Variants in ERBB4 observed in about 807,000 individuals in gnomAD.
ERBB4 encodes the protein receptor tyrosine-protein kinase erbB-4.
In ERBB4, 42 loss-of-function variants were observed where a neutral mutation model predicts 158.0. The observed-to-expected ratio is 0.27, with a 90% CI of 0.21 to 0.34. ERBB4 has a LOEUF of 0.34. ERBB4 is among the 10% of genes least tolerant of loss of function. The probability of loss-of-function intolerance (pLI) is 1.00; values close to 1 mark genes in which losing one functional copy is unlikely to be tolerated. For missense variants in ERBB4, 1,333 were observed against 1,624.1 expected, an observed-to-expected ratio of 0.82 and a Z score of 3.08; for synonymous variants, 583 against 558.7, an observed-to-expected ratio of 1.04 and a Z score of -0.61.
At chr2:212,329,129 T>C (rs1197541180) in intron 1 of ERBB4, among the ~76,000 whole-genome samples, 1 of 152,060 alleles carries the variant, frequency 6.6e-6, no homozygotes, top group African/African-American at 2.4e-5. Flanking sequence ...ATTTTTTCAC[T>C]TTAAAGGTAC....
At chr2:211,978,120 T>C (rs750536140) in intron 2 of ERBB4, among the ~76,000 whole-genome samples, 2 of 151,738 alleles carry the variant, frequency 1.3e-5, no homozygotes, top group African/African-American at 2.4e-5. Flanking sequence ...TTAGTCTTTA[T>C]GGTCCCTGGG....
chr2:212,029,958 C>A (rs1450849899), intron 2 of ERBB4, among the ~76,000 whole-genome samples: 1 of 152,090 alleles, frequency 6.6e-6, no homozygotes, highest in Non-Finnish European at 1.5e-5. Context: ...TAAGGTTTTG[C>A]AAGTTTTGCA....
chr2:212,038,080 T>C (rs2077055934), intron 2 of ERBB4, among the ~76,000 whole-genome samples: 1 of 152,162 alleles, frequency 6.6e-6, no homozygotes. Flanking sequence ...TATATTATTA[T>C]GGGATAAACT....
chr2:212,399,075 C>T (rs1253295230), intron 1 of ERBB4, among the ~76,000 whole-genome samples: 2 of 152,006 alleles, frequency 1.3e-5, no homozygotes, highest in African/African-American at 4.8e-5. Flanking sequence ...TCCCAATTAG[C>T]TGGACTAAAG....
At chr2:211,939,984 T>TATAG (rs530567931) in intron 3 of ERBB4, among the ~76,000 whole-genome samples, 4,681 of 141,532 alleles carry the variant, frequency 0.033, 161 homozygotes, top group African/African-American at 0.079. Flanking sequence ...TATATATGTA[T>TATAG]ATAGATAGAT....
rs1448947889 is a variant in ERBB4 at position 211,842,024 on chromosome 2, A to T, written c.422-53865T>A. 2.6e-5 allele frequency among the ~76,000 whole-genome samples: 4 copies of T among 152,068 alleles called. No homozygotes were observed. In the South Asian group the frequency reaches 6.2e-4, roughly 24 times the overall value. ...CCTCAAGGAAGCAAGTATTATTTAC[A>T]ATTCTGTCCCAAATTTCTAAACATA... is the stretch of plus-strand genomic sequence containing the variant. On this transcript the variant is annotated intron_variant, in intron 3 of 27. Coordinates refer to ENST00000342788, the MANE Select transcript of ERBB4 (RefSeq NM_005235.3).
At chr2:211,701,930 A>T in intron 12 of ERBB4, 37 bp downstream of exon 12, 2 of 1,490,524 alleles carry the variant, frequency 1.3e-6, no homozygotes, top group Non-Finnish European at 1.9e-6. Flanking sequence ...AAAAAATTTA[A>T]GTTTCTATGT....
chr2:211,760,214 G>A (rs2075375107), intron 4 of ERBB4, among the ~76,000 whole-genome samples: 1 of 152,162 alleles, frequency 6.6e-6, no homozygotes, highest in Non-Finnish European at 1.5e-5. Flanking sequence ...AAATAGATGA[G>A]GGGATTTGTA....
At chr2:211,395,330 A>T (rs1039711160) in intron 25 of ERBB4, among the ~76,000 whole-genome samples, 1 of 152,054 alleles carries the variant, frequency 6.6e-6, no homozygotes, top group Non-Finnish European at 1.5e-5. Context: ...AGACTCTGAC[A>T]CTCTGAGAGG....
At chr2:211,833,400 T>C (rs2077268208) in intron 3 of ERBB4, among the ~76,000 whole-genome samples, 1 of 152,056 alleles carries the variant, frequency 6.6e-6, no homozygotes, top group Non-Finnish European at 1.5e-5. Flanking sequence ...CTTCATCCAG[T>C]AGAGGAAACC....
At chr2:211,707,082 A>AAT (rs1248237500) in intron 9 of ERBB4, among the ~76,000 whole-genome samples, 4 of 152,186 alleles carry the variant, frequency 2.6e-5, no homozygotes, top group Non-Finnish European at 5.9e-5. Context: ...CGTATAATCA[A>AAT]ATATCTTGGC....
chr2:212,340,616 T>C (rs1011618172), intron 1 of ERBB4, among the ~76,000 whole-genome samples: 2 of 152,176 alleles, frequency 1.3e-5, no homozygotes, highest in African/African-American at 4.8e-5. Context: ...GAGAATCTAA[T>C]ACTACTGCTG....
intron 1 of ERBB4, among the ~76,000 whole-genome samples, chr2:212,345,871 G>A (rs1031966624): frequency 3.9e-5 from 6 of 152,128 alleles, no homozygotes; most frequent in African/African-American, 1.2e-4. Context: ...GTCCAGTTCT[G>A]AGACCAATAT....
At chr2:211,751,837 A>T (rs2075139697) in intron 4 of ERBB4, among the ~76,000 whole-genome samples, 1 of 152,204 alleles carries the variant, frequency 6.6e-6, no homozygotes, top group Non-Finnish European at 1.5e-5. Context: ...TTCAAAAGAC[A>T]CTTTCTCTGG....
At chr2:211,673,414 G>A (rs1376582395) in intron 13 of ERBB4, among the ~76,000 whole-genome samples, 157 bp from the exon 14 acceptor site, 1 of 151,116 alleles carries the variant, frequency 6.6e-6, no homozygotes, top group Non-Finnish European at 1.5e-5. Context: ...TCCATTAGGA[G>A]AAAAGATAAA....
intron 24 of ERBB4, among the ~76,000 whole-genome samples, chr2:211,421,121 ATG>A (rs1249929711): frequency 6.6e-6 from 1 of 152,016 alleles, no homozygotes; most frequent in African/African-American, 2.4e-5. Context: ...GTAAAGGAGT[ATG>A]AGAAAGACAC....
chr2:212,462,641 T>C (rs1158130933), intron 1 of ERBB4, among the ~76,000 whole-genome samples: 2 of 152,110 alleles, frequency 1.3e-5, no homozygotes, highest in African/African-American at 4.8e-5. Flanking sequence ...AGAATTCTTA[T>C]ACAGTGTGAG....
intron 1 of ERBB4, among the ~76,000 whole-genome samples, chr2:212,204,710 A>C (rs981706929): frequency 2.8e-5 from 2 of 70,898 alleles, no homozygotes; most frequent in African/African-American, 1.1e-4. Context: ...CAAAAAAAAC[A>C]AAAAAAAAAA....
rs1203552144 is a variant in ERBB4 at position 211,772,932 on chromosome 2, T to C, written c.556+15093A>G. Among the ~76,000 whole-genome samples the C allele has an allele frequency of 5.4e-4, 41 of 75,552 alleles. 3 individuals are homozygous for C. Among genetic ancestry groups the C allele is most frequent in the African/African-American group, 3.4e-3 (38 of 11,086 alleles). The allele number at this position is 75,552 out of a possible 152,430, so 49.6% of individuals were successfully genotyped here. On this transcript the variant is annotated intron_variant, in intron 4 of 27. Transcript: ENST00000342788. Reference sequence around the variant, plus strand: ...ATACACACACACACACACATATATATATATATATATATATATATATATATT... The same window carrying C: ...ATACACACACACACACACATATATACATATATATATATATATATATATATT...
Sources: gnomAD v4.1 joint callset for allele counts (sites outside exome capture counted in the v4.1 genomes callset) on GRCh38, gnomAD v4.1.1 for gene constraint, MANE v1.5 for transcripts, NCBI Gene and HGNC (gene_info 2026-07-23, HGNC 2026-07-21) for gene names.